SPTBN1: variants seen among roughly 807,000 people sequenced by gnomAD.
The protein encoded by SPTBN1 is spectrin beta chain, non-erythrocytic 1.
SPTBN1 carries 32 observed loss-of-function variants against 266.4 expected under a neutral mutation model. The ratio of observed to expected loss-of-function variants is 0.12; its 90% CI spans 0.09 to 0.16. SPTBN1 has a LOEUF of 0.16. SPTBN1 is among the 10% of genes least tolerant of loss of function. The pLI is 1.00. For synonymous variants in SPTBN1, 1,336 were observed against 1,162.2 expected (o/e 1.15, Z -3.04); for missense variants, 2,296 against 3,067.1 (o/e 0.75, Z 5.94).
intron 1 of SPTBN1, among the ~76,000 whole-genome samples, chr2:54,522,225 A>G (rs978593723): frequency 2.0e-5 from 3 of 152,196 alleles, no homozygotes; most frequent in African/African-American, 7.2e-5. Flanking sequence ...TTAAGGAACA[A>G]TAGTAGTGTT....
intron 1 of SPTBN1, among the ~76,000 whole-genome samples, chr2:54,500,656 C>T (rs189992354): frequency 5.3e-5 from 8 of 152,226 alleles, no homozygotes; most frequent in Non-Finnish European, 1.5e-5. Flanking sequence ...AGGGATCCAC[C>T]CACCTCAGCC....
intron 2 of SPTBN1, among the ~76,000 whole-genome samples, chr2:54,573,073 T>C (rs1674200436): frequency 6.6e-6 from 1 of 152,232 alleles, no homozygotes; most frequent in African/African-American, 2.4e-5. Flanking sequence ...ATGACCTTTC[T>C]TACCTCAGTT....
At chr2:54,519,153 C>A (rs4671946) in intron 1 of SPTBN1, among the ~76,000 whole-genome samples, 1 of 152,156 alleles carries the variant, frequency 6.6e-6, no homozygotes, top group Non-Finnish European at 1.5e-5. Flanking sequence ...GTGCTCTCAC[C>A]TCCCAGTCCT....
chr2:54,568,865 G>A (rs1180302661), intron 2 of SPTBN1, among the ~76,000 whole-genome samples: 1 of 152,062 alleles, frequency 6.6e-6, no homozygotes, highest in Non-Finnish European at 1.5e-5. Flanking sequence ...CAGAAACAAA[G>A]CACAAATACT....
chr2:54,463,082 G>A (rs1395600065), intron 1 of SPTBN1, among the ~76,000 whole-genome samples: 1 of 147,680 alleles, frequency 6.8e-6, no homozygotes, highest in Non-Finnish European at 1.5e-5. Flanking sequence ...AGACAGGAGA[G>A]AGGTGACTGG....
At chr2:54,489,897 G>A (rs1668596684) in intron 1 of SPTBN1, among the ~76,000 whole-genome samples, 1 of 152,154 alleles carries the variant, frequency 6.6e-6, no homozygotes, top group Admixed American at 6.5e-5. Flanking sequence ...GTTTTTATCA[G>A]TTGGATTTTT....
intron 1 of SPTBN1, among the ~76,000 whole-genome samples, chr2:54,457,492 G>C (rs1047136766): frequency 6.6e-6 from 1 of 152,232 alleles, no homozygotes; most frequent in East Asian, 1.9e-4. Context: ...CAGATAGTAA[G>C]TGAGGACAGG....
intron 1 of SPTBN1, among the ~76,000 whole-genome samples, chr2:54,485,535 T>A (rs1668317472): frequency 6.6e-6 from 1 of 152,198 alleles, no homozygotes; most frequent in Non-Finnish European, 1.5e-5. Context: ...TGATCTCGGC[T>A]GGCTACAACC....
At chr2:54,565,966 G>A (rs537834855) in intron 2 of SPTBN1, among the ~76,000 whole-genome samples, 5 of 152,192 alleles carry the variant, frequency 3.3e-5, no homozygotes, top group Non-Finnish European at 7.4e-5. Context: ...TAACCTTCTG[G>A]AAAATAATGT....
intron 1 of SPTBN1, among the ~76,000 whole-genome samples, chr2:54,486,865 A>G (rs555764047): frequency 6.6e-6 from 1 of 152,268 alleles, no homozygotes; most frequent in South Asian, 2.1e-4. Context: ...TGGTGGCAAG[A>G]GCCTTGCCGG....
At chr2:54,634,224 C>T (rs1337535433) in intron 17 of SPTBN1, among the ~76,000 whole-genome samples, 5 of 152,146 alleles carry the variant, frequency 3.3e-5, no homozygotes, top group South Asian at 4.1e-4. Context: ...GCTGCTTCCT[C>T]GGTTTCTTTT....
At position 54,558,896 on chromosome 2, in the gene SPTBN1, C is replaced by G. The variant is rs1016389093; in HGVS notation, c.148+32330C>G. The stretch of plus-strand genomic sequence containing the variant: ...ATTCAAGCAGCTGCAAGGTAAGCCC[C>G]CTCCCAAAGGCCGGGCCTGTCCTGG... On this transcript the variant is annotated intron_variant, in intron 2 of 35. Coordinates refer to ENST00000356805, the MANE Select transcript of SPTBN1 (RefSeq NM_003128.3). The surrounding 1 kb of genome is among the most constrained non-coding windows in gnomAD (Gnocchi z 4.6). The G allele has an allele frequency of 6.2e-6, 10 of 1,612,236 alleles. No individual in the cohort carries two copies. The highest frequency in any genetic ancestry group is 8.5e-6 in the Non-Finnish European group (10 of 1,178,902).
At chr2:54,601,406 C>A (rs565157208) in intron 3 of SPTBN1, among the ~76,000 whole-genome samples, 1 of 152,340 alleles carries the variant, frequency 6.6e-6, no homozygotes, top group East Asian at 1.9e-4. Context: ...AAAGGAAACA[C>A]ACCACACACT....
At chr2:54,637,661 C>A in intron 17 of SPTBN1, 52 bp from the exon 18 acceptor site, 1 of 1,410,942 alleles carries the variant, frequency 7.1e-7, no homozygotes, top group South Asian at 1.2e-5. Flanking sequence ...TTCTGTATTT[C>A]AAGATTCTCT....
intron 23 of SPTBN1, 87 bp from the exon 24 acceptor site, chr2:54,647,044 T>C: frequency 6.3e-7 from 1 of 1,596,742 alleles, no homozygotes; most frequent in Non-Finnish European, 8.6e-7. Flanking sequence ...TCCTTCCTCC[T>C]ACCCTGCTGA....
intron 1 of SPTBN1, among the ~76,000 whole-genome samples, chr2:54,503,783 G>T (rs1022694739): frequency 2.6e-5 from 4 of 152,190 alleles, no homozygotes; most frequent in Non-Finnish European, 5.9e-5. Context: ...GCTGAGTGTG[G>T]TTACAATGAA....
intron 2 of SPTBN1, among the ~76,000 whole-genome samples, chr2:54,571,287 C>G (rs1372793621): frequency 6.6e-6 from 1 of 152,100 alleles, no homozygotes; most frequent in Non-Finnish European, 1.5e-5. Flanking sequence ...ACAGTCAAAT[C>G]CTAGCTCTAC....
intron 1 of SPTBN1, among the ~76,000 whole-genome samples, chr2:54,473,861 C>T (rs928235217): frequency 3.9e-5 from 6 of 152,144 alleles, no homozygotes; most frequent in Non-Finnish European, 2.9e-5. Flanking sequence ...GTCTGTATGC[C>T]TTGTACTGGC....
Position 54,629,403 on chromosome 2 carries a change from G to T in SPTBN1, c.2269G>T (p.Asp757Tyr). The change falls in exon 14 of 36, where the codon GAT (aspartate) becomes TAT (tyrosine). Residue 757 changes from aspartate (D) to tyrosine (Y), a missense_variant. By Grantham distance (160) the Asp-to-Tyr change is radical (BLOSUM62 -3). Transcript: ENST00000356805. ...GTTCCAGGCAGATGCTGATGACATT[G>T]ATGCCTGGATGCTGGACATCCTCAA... ...HQFQADADDI[D>Y]AWMLDILKIV... is the part of the protein sequence containing the mutation. 6.2e-7 allele frequency: 1 copy of T among 1,614,154 alleles called. No individual in the cohort carries two copies. Among genetic ancestry groups the T allele is most frequent in the Non-Finnish European group, 8.5e-7 (1 of 1,180,048 alleles).
Sources: allele counts gnomAD v4.1 joint callset (sites outside exome capture counted in the v4.1 genomes callset), GRCh38; gene constraint gnomAD v4.1.1; non-coding constraint Gnocchi (gnomAD v3.1); transcripts MANE v1.5; gene names NCBI Gene and HGNC (gene_info 2026-07-23, HGNC 2026-07-21).